Variants in LMX1B observed in about 807,000 individuals in gnomAD.
LMX1B encodes the protein LIM homeobox transcription factor 1 beta.
A neutral mutation model predicts 51.4 loss-of-function variants in LMX1B; 12 were observed. The ratio of observed to expected loss-of-function variants is 0.23; its 90% CI spans 0.15 to 0.38. The LOEUF is 0.38. Among genes scored for constraint, LMX1B ranks in the 10% least tolerant of loss-of-function variants. LMX1B has a pLI of 1.00. For synonymous variants in LMX1B, 237 were observed against 235.4 expected, an observed-to-expected ratio of 1.01 and a Z score of -0.06; for missense variants, 445 against 571.1, an observed-to-expected ratio of 0.78 and a Z score of 2.25.
chr9:126,679,515 G>A (rs1268330840), intron 2 of LMX1B, among the ~76,000 whole-genome samples: 1 of 151,596 alleles, frequency 6.6e-6, no homozygotes, highest in Non-Finnish European at 1.5e-5. Flanking sequence ...GTGGATGGGG[G>A]ACAGGTGGAT....
At chr9:126,644,037 G>C (rs139505139) in intron 2 of LMX1B, among the ~76,000 whole-genome samples, 81 of 152,260 alleles carry the variant, frequency 5.3e-4, no homozygotes, top group Non-Finnish European at 9.7e-4. Flanking sequence ...TCACTGGCCC[G>C]CACTGCCCAG....
At position 126,644,306 on chromosome 9, in the gene LMX1B, T is replaced by G. The variant is rs574853167; in HGVS notation, c.326+28737T>G. On this transcript the variant is annotated intron_variant, in intron 2 of 7. Coordinates refer to ENST00000373474, the MANE Select transcript of LMX1B (RefSeq NM_001174147.2). The stretch of plus-strand genomic sequence containing the variant: ...AAGTGCGAGTTTGGAAAAACCTGTT[T>G]GTTGGGTGAGCTATTGATCGACCGA... Among the ~76,000 whole-genome samples the G allele has an allele frequency of 5.9e-5, 9 of 152,252 alleles. No individual in the cohort carries two copies. The South Asian group carries it at 1.9e-3, about 32-fold the overall frequency.
chr9:126,651,391 C>T (rs1836003385), intron 2 of LMX1B, among the ~76,000 whole-genome samples: 1 of 146,032 alleles, frequency 6.8e-6, no homozygotes, highest in Non-Finnish European at 1.5e-5. Flanking sequence ...AGGCAGCTGG[C>T]AGGTGCAAGG....
intron 2 of LMX1B, among the ~76,000 whole-genome samples, chr9:126,650,521 G>A (rs1053373084): frequency 3.9e-5 from 6 of 152,264 alleles, no homozygotes; most frequent in African/African-American, 1.2e-4. Flanking sequence ...AAACAGCGAG[G>A]GAAACCCGAG....
rs1367321181 is a variant in LMX1B, at chr9:126,625,837, C to G, written c.326+10268C>G. ...CCGTGCCTGAGCCCCGCTGCCTGCTCGGACAAGCAGAACTCCGGCAGGCGC... is the reference window on the plus strand; with the variant it reads ...CCGTGCCTGAGCCCCGCTGCCTGCTGGGACAAGCAGAACTCCGGCAGGCGC... On this transcript the variant is annotated intron_variant, in intron 2 of 7. Transcript: ENST00000373474. This position sits in a 1 kb window ranked among gnomAD's most constrained non-coding sequence, Gnocchi z 5.3. Among the ~76,000 whole-genome samples the G allele has an allele frequency of 2.6e-5, 4 of 152,206 alleles. No individual in the cohort carries two copies. The highest frequency in any genetic ancestry group is 4.4e-5 in the Non-Finnish European group (3 of 68,030).
intron 2 of LMX1B, among the ~76,000 whole-genome samples, chr9:126,642,176 C>T (rs564052074): frequency 4.7e-4 from 72 of 152,334 alleles, no homozygotes; most frequent in Admixed American, 1.2e-3. Flanking sequence ...CTGCCTGCTG[C>T]TGCTACAACA....
intron 2 of LMX1B, among the ~76,000 whole-genome samples, chr9:126,675,929 G>T (rs1343056087): frequency 7.0e-6 from 1 of 143,134 alleles, no homozygotes; most frequent in Non-Finnish European, 1.5e-5. Flanking sequence ...GGCACCTGTA[G>T]TCCCAGCTAC....
At position 126,699,403 on chromosome 9, in the gene LMX1B, C is replaced by G. The variant is rs969301686; in HGVS notation, c.*2952C>G. 2.0e-5 allele frequency: 3 copies of G among 152,216 alleles called. No homozygotes were observed. The highest frequency in any genetic ancestry group is 2.0e-4 in the Admixed American group (3 of 15,280). 9.4% of individuals were successfully genotyped at this position (152,216 alleles called of 1,614,324 possible). On this transcript the variant is annotated 3_prime_UTR_variant, in exon 8 of 8. Transcript: ENST00000373474. The stretch of plus-strand genomic sequence containing the variant: ...ATTCCCATTCTGGGGCCTCACAAAC[C>G]CCCGAATCCAGCCGGGACCCCATGC...
At chr9:126,689,607 C>T (rs754502779) in intron 2 of LMX1B, among the ~76,000 whole-genome samples, 4 of 152,162 alleles carry the variant, frequency 2.6e-5, no homozygotes, top group African/African-American at 4.8e-5. Flanking sequence ...GGGGGAGTGT[C>T]GGGAGGAGCG....
chr9:126,692,083 C>A (rs1363121774), intron 3 of LMX1B, among the ~76,000 whole-genome samples: 1 of 152,184 alleles, frequency 6.6e-6, no homozygotes, highest in East Asian at 1.9e-4. Context: ...AACCTGGAGC[C>A]CTCCGGCAAC....
chr9:126,639,899 A>G (rs1229660472), intron 2 of LMX1B, among the ~76,000 whole-genome samples: 1 of 152,230 alleles, frequency 6.6e-6, no homozygotes, highest in Non-Finnish European at 1.5e-5. Flanking sequence ...ACTAAATGCA[A>G]TTATGGATTT....
intron 2 of LMX1B, among the ~76,000 whole-genome samples, chr9:126,667,471 G>A (rs1481490486): frequency 2.0e-5 from 3 of 152,234 alleles, no homozygotes; most frequent in South Asian, 2.1e-4. Context: ...CATGTGCCGC[G>A]TGACGGGAGC....
chr9:126,678,048 C>T (rs763601244), intron 2 of LMX1B, among the ~76,000 whole-genome samples: 2 of 152,134 alleles, frequency 1.3e-5, no homozygotes, highest in Non-Finnish European at 2.9e-5. Context: ...TGGTGGCTCA[C>T]GCCTGTAATC....
chr9:126,683,834 A>G (rs1412413938), intron 2 of LMX1B, among the ~76,000 whole-genome samples: 2 of 152,220 alleles, frequency 1.3e-5, no homozygotes, highest in Admixed American at 1.3e-4. Context: ...GCAGCTAGGA[A>G]GTGGCAGAGC....
In LMX1B at chr9:126,615,356, G is replaced by T. The variant is rs760348786; in HGVS notation, c.140-27G>T. 24 of 1,528,642 alleles carry T rather than the reference G, an allele frequency of 1.6e-5. No homozygotes were observed. The Admixed American group carries it at 1.8e-4, about 11-fold the overall frequency. 94.7% of individuals were successfully genotyped at this position (1,528,642 alleles called of 1,614,324 possible). A position where few individuals can be genotyped will look rare whatever the true frequency, so the allele number is the denominator to read the frequency against. ...GGGGCTGGGCCGGGCGGCGCTGACGGCCGGGCTTTCGCCCTGTGCGCTACA... is the reference window on the plus strand; with the variant it reads ...GGGGCTGGGCCGGGCGGCGCTGACGTCCGGGCTTTCGCCCTGTGCGCTACA... On this transcript the variant is annotated intron_variant, in intron 1 of 7. Coordinates refer to ENST00000373474, the MANE Select transcript of LMX1B (RefSeq NM_001174147.2). The surrounding 1 kb of genome is among the most constrained non-coding windows in gnomAD (Gnocchi z 6.0).
rs1431484024 is a variant in LMX1B at position 126,618,906 on chromosome 9, G to A, written c.326+3337G>A. On this transcript the variant is annotated intron_variant, in intron 2 of 7. Transcript: ENST00000373474. This position sits in a 1 kb window ranked among gnomAD's most constrained non-coding sequence, Gnocchi z 4.5. ...GAGACCCGCTGGGGTGCAAGCGGGC[G>A]CCTTTGTGCACGGCGAGACGCGGGG... is the stretch of plus-strand genomic sequence containing the variant. 6.6e-6 allele frequency among the ~76,000 whole-genome samples: 1 copy of A among 151,782 alleles called. No individual in the cohort carries two copies. Among genetic ancestry groups the A allele is most frequent in the Non-Finnish European group, 1.5e-5 (1 of 67,944 alleles).
In LMX1B at chr9:126,695,054, A is replaced by G. The variant is rs556956657; in HGVS notation, c.887-785A>G. 2.4e-4 allele frequency among the ~76,000 whole-genome samples: 36 copies of G among 152,212 alleles called. No individual in the cohort carries two copies. Among genetic ancestry groups the G allele is most frequent in the African/African-American group, 8.7e-4 (36 of 41,538 alleles). ...CCCATCCCACACTGCTGATCCACTGAGGTGCCAAGTTGGGGAGTGAAGTCT... is the reference window on the plus strand; with the variant it reads ...CCCATCCCACACTGCTGATCCACTGGGGTGCCAAGTTGGGGAGTGAAGTCT... On this transcript the variant is annotated intron_variant, in intron 6 of 7. Coordinates refer to ENST00000373474, the MANE Select transcript of LMX1B (RefSeq NM_001174147.2). This position sits in a 1 kb window ranked among gnomAD's most constrained non-coding sequence, Gnocchi z 5.2.
chr9:126,693,203 G>A lies in LMX1B; in HGVS notation c.621G>A (p.Lys207=). 2 of 1,607,680 alleles carry A rather than the reference G, an allele frequency of 1.2e-6. No homozygotes were observed. Among genetic ancestry groups the A allele is most frequent in the South Asian group, 1.1e-5 (1 of 89,686 alleles). The change falls in exon 4 of 8, where the codon AAG becomes AAA. Residue 207 remains lysine (K), a synonymous_variant. Coordinates refer to ENST00000373474, the MANE Select transcript of LMX1B (RefSeq NM_001174147.2). ...KPAKGQGSQS[K]GSGDDGKDPR... is the part of the protein sequence containing the mutation. ...CCAAGGGGCAGGGCAGTCAGAGCAA[G>A]GGCAGCGGGGATGACGGGAAGGACC...
intron 2 of LMX1B, among the ~76,000 whole-genome samples, chr9:126,662,872 A>C (rs2118926607): frequency 6.6e-6 from 1 of 152,358 alleles, no homozygotes; most frequent in Middle Eastern, 3.4e-3. Flanking sequence ...TGGTGCCCTC[A>C]GCTCAAATGG....
Sources: allele counts gnomAD v4.1 joint callset (sites outside exome capture counted in the v4.1 genomes callset), GRCh38; gene constraint gnomAD v4.1.1; non-coding constraint Gnocchi (gnomAD v3.1); transcripts MANE v1.5; gene names NCBI Gene and HGNC (gene_info 2026-07-23, HGNC 2026-07-21).